ALKBH8: variants seen among roughly 807,000 people sequenced by gnomAD.
ALKBH8 encodes the protein tRNA (carboxymethyluridine(34)-5-O)-methyltransferase ALKBH8.
Under a neutral mutation model 59.8 loss-of-function variants are expected in ALKBH8, and 36 were observed. The ratio of observed to expected loss-of-function variants is 0.60; its 90% CI spans 0.46 to 0.79. The LOEUF (loss-of-function observed/expected upper bound fraction) is 0.79, where lower values mean the gene tolerates loss of function less well. Ranked by LOEUF, ALKBH8 falls within the 30% of genes least tolerant of loss-of-function variation. The pLI is 0.00. For missense variants in ALKBH8, 768 were observed against 801.0 expected (o/e 0.96, Z 0.50); for synonymous variants, 276 against 273.6 (o/e 1.01, Z -0.09).
At chr11:107,534,608 T>C (rs1486104681) in intron 7 of ALKBH8, among the ~76,000 whole-genome samples, 2 of 152,200 alleles carry the variant, frequency 1.3e-5, no homozygotes, top group African/African-American at 4.8e-5. Context: ...AACAAGTGAT[T>C]AGAACTCACA....
chr11:107,506,298 T>G (rs981830528), intron 11 of ALKBH8, among the ~76,000 whole-genome samples: 1 of 152,098 alleles, frequency 6.6e-6, no homozygotes, highest in Non-Finnish European at 1.5e-5. Flanking sequence ...TTAGAAAAAT[T>G]TAACTTCCTT....
rs117925051 is a variant in ALKBH8 at position 107,541,328 on chromosome 11, G to A, written c.771+8425C>T. Among the ~76,000 whole-genome samples, 119 of 152,202 alleles carry A rather than the reference G, an allele frequency of 7.8e-4. 3 individuals carry two copies. In the East Asian group the frequency reaches 0.02, roughly 26 times the overall value. ...ACTTCAATTTAAGACAGAAAGCACC[G>A]AAATTGTCTCCATAGTCAATTAAAA... On this transcript the variant is annotated intron_variant, in intron 7 of 11. Transcript: ENST00000428149.
chr11:107,556,801 T>A lies in ALKBH8; in HGVS notation c.332A>T (p.Gln111Leu). The A allele has an allele frequency of 7.0e-7, 1 of 1,427,448 alleles. No individual in the cohort carries two copies. Among genetic ancestry groups the A allele is most frequent in the Non-Finnish European group, 9.2e-7 (1 of 1,081,496 alleles). The allele number at this position is 1,427,448 out of a possible 1,614,324, so 88.4% of individuals were successfully genotyped here. The change falls in exon 3 of 12, where the codon CAA becomes CTA. Residue 111 changes from glutamine to leucine, a missense_variant. Transcript: ENST00000428149. Reference sequence around the variant, plus strand: ...AAAATTCAAATACAGAGTGATCTTTTGTCCTAAATCATCCACTACTTCTTT... The same window carrying A: ...AAAATTCAAATACAGAGTGATCTTTAGTCCTAAATCATCCACTACTTCTTT... Reference protein sequence around the residue: ...NGKEVVDDLGQKITLYLNFVE... With the variant: ...NGKEVVDDLGLKITLYLNFVE...
chr11:107,547,133 C>T (rs1864294409), intron 7 of ALKBH8, among the ~76,000 whole-genome samples: 1 of 152,000 alleles, frequency 6.6e-6, no homozygotes, highest in South Asian at 2.1e-4. Context: ...ATGCCACTGA[C>T]AAAATTATTA....
In ALKBH8 at chr11:107,522,483, G is replaced by A; in HGVS notation, c.1103C>T (p.Ser368Leu). 1.3e-6 allele frequency: 2 copies of A among 1,551,692 alleles called. No homozygotes were observed. Among genetic ancestry groups the A allele is most frequent in the Non-Finnish European group, 1.7e-6 (2 of 1,146,990 alleles). The stretch of plus-strand genomic sequence containing the variant: ...ATGGACGTACTCTTGCTCCAGCCGT[G>A]AGGCTTCTTTATCACTCTCTGGAAA... The part of the protein sequence containing the change: ...PSFPESDKEA[S>L]RLEQEYVHQV... The change falls in exon 10 of 12, where the codon TCA (serine) becomes TTA (leucine). Residue 368 changes from serine (S) to leucine (L), a missense_variant. Physicochemically the swap from Ser to Leu is moderately radical, Grantham distance 145. Coordinates refer to ENST00000428149, the MANE Select transcript of ALKBH8 (RefSeq NM_138775.3).
intron 10 of ALKBH8, among the ~76,000 whole-genome samples, chr11:107,514,051 T>TA (rs532956501): frequency 6.0e-5 from 9 of 150,352 alleles, no homozygotes; most frequent in South Asian, 2.1e-4. Context: ...AAATAAAAGT[T>TA]AAAAAAAAAA....
At chr11:107,507,152 G>A (rs1862420336) in intron 11 of ALKBH8, among the ~76,000 whole-genome samples, 1 of 152,110 alleles carries the variant, frequency 6.6e-6, no homozygotes, top group African/African-American at 2.4e-5. Flanking sequence ...TGGAAATAAG[G>A]CTGGCAATGA....
chr11:107,559,954 T>A (rs1864871303), intron 2 of ALKBH8, among the ~76,000 whole-genome samples: 1 of 152,228 alleles, frequency 6.6e-6, no homozygotes, highest in Non-Finnish European at 1.5e-5. Flanking sequence ...CTTTCTACTT[T>A]TATTCTATAA....
At chr11:107,545,935 C>T (rs1300835340) in intron 7 of ALKBH8, among the ~76,000 whole-genome samples, 2 of 152,036 alleles carry the variant, frequency 1.3e-5, no homozygotes, top group Non-Finnish European at 2.9e-5. Context: ...AAAAATAAAG[C>T]AAATAACACA....
chr11:107,560,263 T>G (rs1035024661), intron 2 of ALKBH8, among the ~76,000 whole-genome samples: 1 of 152,190 alleles, frequency 6.6e-6, no homozygotes, highest in African/African-American at 2.4e-5. Flanking sequence ...TAATAAGGTC[T>G]AATAAAATAA....
intron 3 of ALKBH8, among the ~76,000 whole-genome samples, chr11:107,555,250 A>G (rs115811760): frequency 0.023 from 3,473 of 151,986 alleles, 147 homozygotes; most frequent in African/African-American, 0.08. Context: ...AAAGAGCAGG[A>G]CTCTGTCTCA....
chr11:107,552,109 T>C (rs1160067051), intron 5 of ALKBH8, among the ~76,000 whole-genome samples, 197 bp from the exon 6 acceptor site: 2 of 151,982 alleles, frequency 1.3e-5, no homozygotes, highest in African/African-American at 4.8e-5. Context: ...ATTGATTTTT[T>C]TTCAGATAAA....
intron 7 of ALKBH8, among the ~76,000 whole-genome samples, chr11:107,543,935 T>C (rs1222647354): frequency 6.6e-6 from 1 of 152,232 alleles, no homozygotes; most frequent in Non-Finnish European, 1.5e-5. Context: ...CCCTCACAGA[T>C]GCAAAGACTT....
intron 2 of ALKBH8, among the ~76,000 whole-genome samples, chr11:107,560,344 T>G (rs1393855455): frequency 6.6e-6 from 1 of 152,196 alleles, no homozygotes; most frequent in East Asian, 1.9e-4. Context: ...GAACAAGGGC[T>G]GTAGTAGGAT....
intron 10 of ALKBH8, among the ~76,000 whole-genome samples, chr11:107,518,231 AAGGTGAT>A (rs1379868837): frequency 6.6e-6 from 1 of 152,228 alleles, no homozygotes; most frequent in Admixed American, 6.5e-5. Flanking sequence ...TCATTACAAT[AAGGTGAT>A]AGGATTATGC....
At chr11:107,520,954 A>G (rs1217509739) in intron 10 of ALKBH8, among the ~76,000 whole-genome samples, 1 of 152,212 alleles carries the variant, frequency 6.6e-6, no homozygotes, top group Non-Finnish European at 1.5e-5. Flanking sequence ...TTAGTCCCTA[A>G]GCAATACAGT....
At chr11:107,526,943 C>T (rs1386569771) in intron 8 of ALKBH8, among the ~76,000 whole-genome samples, 1 of 151,890 alleles carries the variant, frequency 6.6e-6, no homozygotes, top group Non-Finnish European at 1.5e-5. Flanking sequence ...TCTATCTGTA[C>T]AACAATACTA....
At chr11:107,557,474 G>C (rs527654557) in intron 2 of ALKBH8, among the ~76,000 whole-genome samples, 1 of 152,174 alleles carries the variant, frequency 6.6e-6, no homozygotes, top group East Asian at 1.9e-4. Flanking sequence ...AAGAAGATCT[G>C]ACAAATTAGG....
chr11:107,505,237 C>G, intron 11 of ALKBH8, 22 bp from the exon 12 acceptor site: 1 of 1,497,546 alleles, frequency 6.7e-7, no homozygotes, highest in Non-Finnish European at 8.9e-7. Context: ...AAACAAAACA[C>G]ATGATCAACC....
Sources: gnomAD v4.1 joint callset for allele counts (sites outside exome capture counted in the v4.1 genomes callset) on GRCh38, gnomAD v4.1.1 for gene constraint, MANE v1.5 for transcripts, NCBI Gene and HGNC (gene_info 2026-07-23, HGNC 2026-07-21) for gene names.